MAP3K5: variants seen among roughly 807,000 people sequenced by gnomAD.
The protein encoded by MAP3K5 is ASK-1.
A neutral mutation model predicts 158.7 loss-of-function variants in MAP3K5; 56 were observed. The ratio of observed to expected loss-of-function variants is 0.35; its 90% CI spans 0.28 to 0.44. The LOEUF is 0.44. Ranked by LOEUF, MAP3K5 falls within the 20% of genes least tolerant of loss-of-function variation. The pLI is 1.00. For synonymous variants in MAP3K5, 579 were observed against 601.7 expected, an observed-to-expected ratio of 0.96 and a Z score of 0.55; for missense variants, 1,294 against 1,674.8, an observed-to-expected ratio of 0.77 and a Z score of 3.97.
intron 1 of MAP3K5, among the ~76,000 whole-genome samples, chr6:136,764,033 T>A (rs1218691229): frequency 6.6e-6 from 1 of 152,196 alleles, no homozygotes; most frequent in African/African-American, 2.4e-5. Context: ...TCATTTCTCA[T>A]AAATTACTCA....
chr6:136,670,284 C>T (rs895163225), intron 7 of MAP3K5, among the ~76,000 whole-genome samples: 3 of 151,956 alleles, frequency 2.0e-5, no homozygotes, highest in African/African-American at 4.8e-5. Context: ...TCCTCACATG[C>T]ATCATTAAAC....
chr6:136,703,590 T>C (rs1015798939), intron 3 of MAP3K5, among the ~76,000 whole-genome samples: 14 of 152,344 alleles, frequency 9.2e-5, no homozygotes, highest in Non-Finnish European at 1.6e-4. Context: ...ACGTGTGAGA[T>C]AAATTAAACA....
intron 7 of MAP3K5, among the ~76,000 whole-genome samples, chr6:136,691,609 C>CAA (rs540437204): frequency 8.5e-6 from 1 of 117,834 alleles, no homozygotes; most frequent in Admixed American, 9.1e-5. Flanking sequence ...AGATTCGTCT[C>CAA]AAAAAAAAAA....
chr6:136,720,351 T>C, intron 2 of MAP3K5, 99 bp downstream of exon 2: 1 of 1,150,468 alleles, frequency 8.7e-7, no homozygotes, highest in South Asian at 1.9e-5. Flanking sequence ...CATATAAAAG[T>C]CTTTCACAAA....
chr6:136,652,116 C>A (rs868285123), intron 10 of MAP3K5, among the ~76,000 whole-genome samples: 4 of 152,074 alleles, frequency 2.6e-5, no homozygotes, highest in African/African-American at 9.7e-5. Flanking sequence ...CTTCAGAAGG[C>A]TCCACCCATA....
intron 7 of MAP3K5, 95 bp downstream of exon 7, chr6:136,694,045 G>A (rs1780497873): frequency 1.1e-6 from 1 of 912,416 alleles, no homozygotes; most frequent in Non-Finnish European, 1.7e-6. Context: ...ACAATCTTAT[G>A]GATTATAATA....
At chr6:136,572,831 C>T (rs575869316) in intron 25 of MAP3K5, among the ~76,000 whole-genome samples, 98 of 152,268 alleles carry the variant, frequency 6.4e-4, no homozygotes, top group Non-Finnish European at 1.2e-3. Context: ...TGACACAGAA[C>T]ATCTGGTTCT....
rs186513752 is a variant in MAP3K5, at chr6:136,769,310, C to T, written c.448+22400G>A. Among the ~76,000 whole-genome samples, 888 of 152,144 alleles carry T rather than the reference C, an allele frequency of 5.8e-3. 5 individuals carry two copies. The highest frequency in any genetic ancestry group is 8.7e-3 in the Non-Finnish European group (590 of 68,002). On this transcript the variant is annotated intron_variant, in intron 1 of 29. Coordinates refer to ENST00000359015, the MANE Select transcript of MAP3K5 (RefSeq NM_005923.4). ...GAAATACCTAGAATAGGCAAATTTA[C>T]GGAGACAGCAGATTAGTGGTTGCCA...
chr6:136,684,634 T>A (rs557698711), intron 7 of MAP3K5, among the ~76,000 whole-genome samples: 4 of 152,190 alleles, frequency 2.6e-5, no homozygotes, highest in African/African-American at 9.6e-5. Context: ...AGTCACAAAT[T>A]CTCACCCCTT....
chr6:136,791,643 C>T (rs1353470885), intron 1 of MAP3K5, 67 bp downstream of exon 1: 1 of 1,539,862 alleles, frequency 6.5e-7, no homozygotes, highest in Non-Finnish European at 8.9e-7. Flanking sequence ...AAATGAAATG[C>T]CCCGAAGACC....
At chr6:136,658,890 G>A (rs1778883240) in intron 9 of MAP3K5, among the ~76,000 whole-genome samples, 1 of 152,220 alleles carries the variant, frequency 6.6e-6, no homozygotes. Flanking sequence ...CAATGGAAAT[G>A]TGGTCTCAGG....
At chr6:136,749,259 G>C (rs1562670327) in intron 1 of MAP3K5, among the ~76,000 whole-genome samples, 1 of 151,942 alleles carries the variant, frequency 6.6e-6, no homozygotes, top group Non-Finnish European at 1.5e-5. Context: ...TCTAATCCCA[G>C]CTACTCAGGA....
At chr6:136,679,538 T>C (rs1311256216) in intron 7 of MAP3K5, among the ~76,000 whole-genome samples, 4 of 152,226 alleles carry the variant, frequency 2.6e-5, no homozygotes, top group African/African-American at 9.6e-5. Flanking sequence ...ATCACCCTGC[T>C]GCTGTGATCT....
In MAP3K5 at chr6:136,563,811, G is replaced by A. The variant is rs769136539; in HGVS notation, c.3762-1196C>T. ...CAGAAATAATAATTTAAAATATATC[G>A]TTATTAAGATTATCAGGATAAATCG... On this transcript the variant is annotated intron_variant, in intron 26 of 29. Coordinates refer to ENST00000359015, the MANE Select transcript of MAP3K5 (RefSeq NM_005923.4). Among the ~76,000 whole-genome samples, 50 of 152,204 alleles carry A rather than the reference G, an allele frequency of 3.3e-4. 1 individual carries two copies. The highest frequency in any genetic ancestry group is 1.0e-3 in the African/African-American group (42 of 41,518).
chr6:136,586,911 A>G (rs1164038401), intron 23 of MAP3K5, among the ~76,000 whole-genome samples: 7 of 152,212 alleles, frequency 4.6e-5, no homozygotes, highest in African/African-American at 1.7e-4. Flanking sequence ...TTAGATTCCA[A>G]GTTCTTCAGT....
At chr6:136,564,526 G>A (rs1007018882) in intron 26 of MAP3K5, among the ~76,000 whole-genome samples, 4 of 152,198 alleles carry the variant, frequency 2.6e-5, no homozygotes, top group Non-Finnish European at 5.9e-5. Context: ...GAAGCTCTGT[G>A]TGAATGTTTA....
At chr6:136,626,246 A>T (rs1777032751) in intron 14 of MAP3K5, among the ~76,000 whole-genome samples, 1 of 152,158 alleles carries the variant, frequency 6.6e-6, no homozygotes, top group Non-Finnish European at 1.5e-5. Context: ...AATTATGCCT[A>T]ATACAATGCT....
intron 15 of MAP3K5, among the ~76,000 whole-genome samples, chr6:136,619,010 T>G (rs1028358082): frequency 1.3e-5 from 2 of 152,158 alleles, no homozygotes; most frequent in Non-Finnish European, 2.9e-5. Flanking sequence ...GAGGAGAAAG[T>G]ATACTGGGCA....
intron 11 of MAP3K5, among the ~76,000 whole-genome samples, chr6:136,649,200 C>A (rs1778410877): frequency 6.6e-6 from 1 of 152,130 alleles, no homozygotes; most frequent in Admixed American, 6.5e-5. Context: ...GAACTCCTGA[C>A]CTCAAGTGAT....
Sources: allele counts gnomAD v4.1 joint callset (sites outside exome capture counted in the v4.1 genomes callset), GRCh38; gene constraint gnomAD v4.1.1; transcripts MANE v1.5; gene names NCBI Gene and HGNC (gene_info 2026-07-23, HGNC 2026-07-21).